Variants in EEA1 observed in about 807,000 individuals in gnomAD.
The protein encoded by EEA1 is early endosome antigen 1.
In EEA1, 111 loss-of-function variants were observed where a neutral mutation model predicts 209.2. That is an observed-to-expected ratio of 0.53 (90% CI 0.45 to 0.62). EEA1 has a LOEUF of 0.62. Ranked by LOEUF, EEA1 falls within the 20% of genes least tolerant of loss-of-function variation. EEA1 has a pLI of 0.00. For synonymous variants in EEA1, 536 were observed against 540.6 expected, an observed-to-expected ratio of 0.99 and a Z score of 0.12; for missense variants, 1,343 against 1,530.8, an observed-to-expected ratio of 0.88 and a Z score of 2.05.
At chr12:92,807,253 A>ATT (rs113721341) in intron 18 of EEA1, among the ~76,000 whole-genome samples, 4 of 150,746 alleles carry the variant, frequency 2.7e-5, no homozygotes, top group Non-Finnish European at 4.4e-5. Context: ...AAGGCCGATA[A>ATT]TTTTTTTTTT....
chr12:92,794,448 C>G (rs1269264970), intron 21 of EEA1, among the ~76,000 whole-genome samples: 1 of 152,082 alleles, frequency 6.6e-6, no homozygotes, highest in Admixed American at 6.5e-5. Context: ...TATTGCAGCA[C>G]TATTCACAAT....
chr12:92,796,406 T>C (rs1403309665), intron 21 of EEA1, among the ~76,000 whole-genome samples: 1 of 152,042 alleles, frequency 6.6e-6, no homozygotes, highest in Non-Finnish European at 1.5e-5. Flanking sequence ...ATGTAAATAG[T>C]TGTTTTTACT....
chr12:92,788,298 C>A (rs1874229636), intron 21 of EEA1, among the ~76,000 whole-genome samples: 1 of 149,740 alleles, frequency 6.7e-6, no homozygotes, highest in Admixed American at 6.7e-5. Context: ...AGGCATTTCA[C>A]TGGGAAGTAC....
In EEA1 at chr12:92,809,483, C is replaced by T. The variant is rs189983266; in HGVS notation, c.2200-327G>A. Among the ~76,000 whole-genome samples the T allele has an allele frequency of 7.5e-3, 1,079 of 143,252 alleles. 13 individuals are homozygous for T. Among genetic ancestry groups the T allele is most frequent in the African/African-American group, 0.026 (992 of 38,276 alleles). The allele number at this position is 143,252 out of a possible 152,430, so 94.0% of individuals were successfully genotyped here. On this transcript the variant is annotated intron_variant, in intron 17 of 28. Coordinates refer to ENST00000322349, the MANE Select transcript of EEA1 (RefSeq NM_003566.4). ...GGCAGATCACTTGAGGTCAGAAGTT[C>T]GAGACCAGCCTGGCCAACATGGTGA...
intron 9 of EEA1, among the ~76,000 whole-genome samples, chr12:92,843,492 C>T (rs1224869719): frequency 6.6e-6 from 1 of 152,058 alleles, no homozygotes; most frequent in Non-Finnish European, 1.5e-5. Flanking sequence ...CTTTTTATTA[C>T]TAAAGCAACA....
At chr12:92,828,438 A>T (rs1435705839) in intron 11 of EEA1, among the ~76,000 whole-genome samples, 5 of 152,112 alleles carry the variant, frequency 3.3e-5, no homozygotes, top group Non-Finnish European at 5.9e-5. Flanking sequence ...AGTATTGTTT[A>T]AAGTTCCACA....
At chr12:92,821,290 T>C (rs1201846591) in intron 13 of EEA1, among the ~76,000 whole-genome samples, 1 of 152,206 alleles carries the variant, frequency 6.6e-6, no homozygotes, top group Non-Finnish European at 1.5e-5. Context: ...CACAACTTAC[T>C]GCCTTCCAAT....
Position 92,832,841 on chromosome 12 carries a change from C to A in EEA1, c.925G>T (p.Glu309Ter). 6.3e-7 allele frequency: 1 copy of A among 1,598,940 alleles called. No homozygotes were observed. Among genetic ancestry groups the A allele is most frequent in the South Asian group, 1.1e-5 (1 of 87,202 alleles). ...ELTQKNQTLT[E>*]NLLKKEQDYT... ...TCTTGTTCTTTTTTCAGCAAGTTTT[C>A]TGTCAAGGTCTAAAATATCAATTTA... is the stretch of plus-strand genomic sequence containing the variant. The change falls in exon 11 of 29, where the codon GAA becomes TAA. Residue 309 changes from glutamate to a stop codon, truncating the protein, a stop_gained. Coordinates refer to ENST00000322349, the MANE Select transcript of EEA1 (RefSeq NM_003566.4). LOFTEE classifies it high-confidence loss of function.
Position 92,816,258 on chromosome 12 carries a change from T to C in EEA1, c.1871A>G (p.Asn624Ser). ...DRVLSLETSV[N>S]ELNSQLNESK... ...TTCATTTAATTGACTATTTAATTCA[T>C]TGACACTAGTTTCTAGGGAAAGGAC... Residue 624 changes from asparagine (N) to serine (S), a missense_variant, in exon 15 of 29, where the codon AAT becomes AGT. Asn to Ser is a conservative substitution (Grantham distance 46). Coordinates refer to ENST00000322349, the MANE Select transcript of EEA1 (RefSeq NM_003566.4). The C allele has an allele frequency of 1.9e-6, 3 of 1,614,004 alleles. No homozygotes were observed. Among genetic ancestry groups the C allele is most frequent in the Non-Finnish European group, 2.5e-6 (3 of 1,179,878 alleles).
chr12:92,826,714 C>CAAA (rs1210921584), intron 12 of EEA1, among the ~76,000 whole-genome samples: 1 of 57,126 alleles, frequency 1.8e-5, no homozygotes, highest in Non-Finnish European at 3.7e-5. Context: ...GACTCCGTCT[C>CAAA]AAAAAAAAAA....
At chr12:92,785,142 AT>A (rs1177374981) in intron 22 of EEA1, among the ~76,000 whole-genome samples, 2 of 152,232 alleles carry the variant, frequency 1.3e-5, no homozygotes, top group East Asian at 3.9e-4. Context: ...TTATCCTAGA[AT>A]TTTCACTTCA....
At chr12:92,859,409 A>G (rs1394029149) in intron 3 of EEA1, 11 of 611,434 alleles carry the variant, frequency 1.8e-5, no homozygotes, top group South Asian at 4.1e-5. Context: ...CACTCTAGTC[A>G]ATGACATGAA....
intron 9 of EEA1, among the ~76,000 whole-genome samples, chr12:92,848,572 T>C (rs1877475749): frequency 6.6e-6 from 1 of 152,092 alleles, no homozygotes; most frequent in Non-Finnish European, 1.5e-5. Context: ...AATAGAAATA[T>C]AAATTCATAA....
chr12:92,780,354 T>C lies in EEA1; in HGVS notation c.3394A>G (p.Ile1132Val). The C allele has an allele frequency of 1.2e-6, 2 of 1,600,046 alleles. No individual in the cohort carries two copies. Among genetic ancestry groups the C allele is most frequent in the Non-Finnish European group, 1.7e-6 (2 of 1,172,448 alleles). The change falls in exon 24 of 29, where the codon ATT (isoleucine) becomes GTT (valine). Residue 1132 changes from isoleucine to valine, a missense_variant. Physicochemically the swap from Ile to Val is conservative, Grantham distance 29. Around this residue, in one of 3 missense-constraint regions of EEA1, gnomAD observed 1,307 missense variants for 1,465.5 expected, o/e 0.89. Coordinates refer to ENST00000322349, the MANE Select transcript of EEA1 (RefSeq NM_003566.4). ...EKSKLAEIEEIKCRQEKEITK... is the reference protein window; with the variant it reads ...EKSKLAEIEEVKCRQEKEITK... ...ATTTCTTTTTCTTGTCTACATTTAA[T>C]TTCTTCTATCTCTGCCAATTTAGAC...
chr12:92,914,583 T>C (rs1190854203), intron 1 of EEA1, among the ~76,000 whole-genome samples: 1 of 152,146 alleles, frequency 6.6e-6, no homozygotes. Flanking sequence ...CCCAGCACTT[T>C]GGAGGCTGAT....
Position 92,902,237 on chromosome 12 carries a change from T to C in EEA1, c.25-10516A>G, listed in dbSNP as rs71456580. On this transcript the variant is annotated intron_variant, in intron 1 of 28. Coordinates refer to ENST00000322349, the MANE Select transcript of EEA1 (RefSeq NM_003566.4). The stretch of plus-strand genomic sequence containing the variant: ...AAATATTATTAAGATGGAACCAATC[T>C]TAAAAACAAGGTACACAATGGACCA... 2.6e-3 allele frequency among the ~76,000 whole-genome samples: 403 copies of C among 152,122 alleles called. 1 individual carries two copies. The highest frequency in any genetic ancestry group is 3.9e-3 in the Non-Finnish European group (262 of 67,998).
In EEA1 at chr12:92,771,807, C is replaced by T. The variant is rs369718834; in HGVS notation, c.*4204G>A. 1 of 152,074 alleles carries T rather than the reference C, an allele frequency of 6.6e-6. No individual in the cohort carries two copies. Among genetic ancestry groups the T allele is most frequent in the East Asian group, 1.9e-4 (1 of 5,178 alleles). 9.4% of individuals were successfully genotyped at this position (152,074 alleles called of 1,614,324 possible). A position where few individuals can be genotyped will look rare whatever the true frequency, so the allele number is the denominator to read the frequency against. On this transcript the variant is annotated 3_prime_UTR_variant, in exon 29 of 29. Transcript: ENST00000322349. Reference sequence around the variant, plus strand: ...AATTCCTTTAGTCCCATGAATCCAGCAACCACAGACTTACATGTATAAAGG... The same window carrying T: ...AATTCCTTTAGTCCCATGAATCCAGTAACCACAGACTTACATGTATAAAGG...
chr12:92,921,866 CAAAAAAA>C (rs756583756), intron 1 of EEA1, among the ~76,000 whole-genome samples: 10 of 83,438 alleles, frequency 1.2e-4, no homozygotes, highest in Middle Eastern at 0.014. Context: ...GACTCTGTCT[CAAAAAAA>C]AAAAAAAAAA....
chr12:92,802,476 A>G lies in EEA1; in HGVS notation c.2598T>C (p.Ser866=). Residue 866 remains serine (S), a synonymous_variant, in exon 19 of 29, where the codon TCT becomes TCC. Coordinates refer to ENST00000322349, the MANE Select transcript of EEA1 (RefSeq NM_003566.4). ...CACTTTTAGAGTTTTTCAAAGAATCAGAAACTTTTGATAGTTTGTCCTTTA... is the reference window on the plus strand; with the variant it reads ...CACTTTTAGAGTTTTTCAAAGAATCGGAAACTTTTGATAGTTTGTCCTTTA... ...STVKDKLSKV[S]DSLKNSKSEF... The G allele has an allele frequency of 1.3e-6, 2 of 1,580,056 alleles. No individual in the cohort carries two copies. Among genetic ancestry groups the G allele is most frequent in the Non-Finnish European group, 1.7e-6 (2 of 1,171,324 alleles).
Sources: gnomAD v4.1 joint callset for allele counts (sites outside exome capture counted in the v4.1 genomes callset) on GRCh38, gnomAD v4.1.1 for gene constraint, gnomAD v4.1.1 regional missense constraint, MANE v1.5 for transcripts, NCBI Gene and HGNC (gene_info 2026-07-23, HGNC 2026-07-21) for gene names.